PARD3: variants seen among roughly 807,000 people sequenced by gnomAD.
PARD3 encodes partitioning defective 3 homolog.
Under a neutral mutation model 155.4 loss-of-function variants are expected in PARD3, and 75 were observed. The ratio of observed to expected loss-of-function variants is 0.48; its 90% CI spans 0.40 to 0.58. The LOEUF (loss-of-function observed/expected upper bound fraction) is 0.58. Among genes scored for constraint, PARD3 ranks in the 20% least tolerant of loss-of-function variants. PARD3 has a pLI of 0.00. For synonymous variants in PARD3, 576 were observed against 610.5 expected, an observed-to-expected ratio of 0.94 and a Z score of 0.83; for missense variants, 1,642 against 1,721.7, an observed-to-expected ratio of 0.95 and a Z score of 0.82.
intron 20 of PARD3, among the ~76,000 whole-genome samples, chr10:34,306,226 G>C (rs1018728996): frequency 6.6e-6 from 1 of 150,456 alleles, no homozygotes; most frequent in Non-Finnish European, 1.5e-5. Flanking sequence ...GGTTGCAGTG[G>C]GCTGAGATCG....
chr10:34,292,360 C>T (rs912578755), intron 20 of PARD3, among the ~76,000 whole-genome samples: 5 of 152,100 alleles, frequency 3.3e-5, no homozygotes, highest in Admixed American at 1.3e-4. Flanking sequence ...GAAATCGCTA[C>T]CATGAAAGAG....
chr10:34,261,781 A>AAAAGAAAG (rs1158080569), intron 22 of PARD3, among the ~76,000 whole-genome samples: 6,695 of 131,566 alleles, frequency 0.051, 269 homozygotes, highest in East Asian at 0.11. Flanking sequence ...AGAAAGAAAG[A>AAAAGAAAG]AAAGAAAGAA....
intron 22 of PARD3, among the ~76,000 whole-genome samples, chr10:34,268,475 C>T (rs1027011023): frequency 3.8e-5 from 3 of 78,634 alleles, no homozygotes; most frequent in East Asian, 4.7e-4. Flanking sequence ...AAGACACATG[C>T]ACACTATGTT....
chr10:34,783,947 G>A (rs1001939969), intron 1 of PARD3, among the ~76,000 whole-genome samples: 4 of 152,066 alleles, frequency 2.6e-5, no homozygotes, highest in South Asian at 2.1e-4. Context: ...AGTGGCTCAC[G>A]GCTGTAGACC....
intron 1 of PARD3, among the ~76,000 whole-genome samples, chr10:34,719,005 A>G (rs915176408): frequency 6.6e-6 from 1 of 152,170 alleles, no homozygotes; most frequent in Admixed American, 6.5e-5. Flanking sequence ...TGCATGGTGT[A>G]TTGGAACAAC....
At chr10:34,234,367 A>G (rs1458685333) in intron 22 of PARD3, among the ~76,000 whole-genome samples, 1 of 152,212 alleles carries the variant, frequency 6.6e-6, no homozygotes, top group Non-Finnish European at 1.5e-5. Context: ...GACATCCGGA[A>G]TAAAATTTCA....
intron 22 of PARD3, among the ~76,000 whole-genome samples, chr10:34,182,955 T>C (rs1950330005): frequency 6.6e-6 from 1 of 152,182 alleles, no homozygotes; most frequent in African/African-American, 2.4e-5. Flanking sequence ...TCAATTATCC[T>C]AACATCTATG....
At chr10:34,248,570 TAACTTGCCC>T (rs1954103301) in intron 22 of PARD3, among the ~76,000 whole-genome samples, 1 of 104,708 alleles carries the variant, frequency 9.6e-6, no homozygotes, top group Non-Finnish European at 1.9e-5. Flanking sequence ...AGAGGTCAGA[TAACTTGCCC>T]AACATCCAAG....
rs2093934364 is a variant in PARD3 at position 34,685,244 on chromosome 10, A to T, written c.222+11074T>A. Reference sequence around the variant, plus strand: ...AGAAAACACATTTCATAAGTTTTTCATTATACTGTTTTCTGTAAGTAGGAT... The same window carrying T: ...AGAAAACACATTTCATAAGTTTTTCTTTATACTGTTTTCTGTAAGTAGGAT... On this transcript the variant is annotated intron_variant, in intron 2 of 24. Transcript: ENST00000374788. Among the ~76,000 whole-genome samples the T allele has an allele frequency of 2.6e-5, 4 of 152,210 alleles. No homozygotes were observed. In the South Asian group the frequency reaches 8.3e-4, roughly 32 times the overall value.
chr10:34,662,982 A>G (rs1309455337), intron 2 of PARD3, among the ~76,000 whole-genome samples: 1 of 152,204 alleles, frequency 6.6e-6, no homozygotes, highest in Non-Finnish European at 1.5e-5. Context: ...CTAAAAATTA[A>G]AACAACTGAA....
intron 20 of PARD3, among the ~76,000 whole-genome samples, chr10:34,293,416 A>G (rs1227970729): frequency 6.6e-6 from 1 of 152,176 alleles, no homozygotes; most frequent in Non-Finnish European, 1.5e-5. Flanking sequence ...CCAAATGCAA[A>G]TAATAATCAC....
intron 1 of PARD3, among the ~76,000 whole-genome samples, chr10:34,791,844 A>T (rs1456573359): frequency 7.3e-6 from 1 of 137,320 alleles, no homozygotes; most frequent in Admixed American, 7.3e-5. Context: ...TGCCTCGTTT[A>T]AAAAAAAAAA....
At chr10:34,335,017 G>A (rs1836013783) in intron 18 of PARD3, among the ~76,000 whole-genome samples, 2 of 151,828 alleles carry the variant, frequency 1.3e-5, no homozygotes, top group African/African-American at 4.8e-5. Flanking sequence ...TGGTTTTTAT[G>A]ACTGTTTACT....
rs570551163 is a variant in PARD3 at position 34,297,335 on chromosome 10, T to A, written c.3066-13090A>T. 1.8e-4 allele frequency among the ~76,000 whole-genome samples: 27 copies of A among 152,214 alleles called. 1 individual carries two copies. Among genetic ancestry groups the A allele is most frequent in the South Asian group, 2.1e-4 (1 of 4,816 alleles). On this transcript the variant is annotated intron_variant, in intron 20 of 24. Transcript: ENST00000374788. ...ATAAGTAAGTAAATAAATAAGAGCT[T>A]AACTCTAAAATCAAAAAGACTTGGG...
At chr10:34,324,802 G>C (rs769475526) in intron 19 of PARD3, among the ~76,000 whole-genome samples, 1 of 152,110 alleles carries the variant, frequency 6.6e-6, no homozygotes, top group South Asian at 2.1e-4. Context: ...TGTGAGAGAC[G>C]CTAAGCCCGT....
chr10:34,695,629 G>A (rs1359927621), intron 2 of PARD3, among the ~76,000 whole-genome samples: 2 of 152,126 alleles, frequency 1.3e-5, no homozygotes, highest in African/African-American at 4.8e-5. Flanking sequence ...GGTAGTGGGA[G>A]GGAACACTGA....
rs1276255691 is a variant in PARD3 at position 34,399,329 on chromosome 10, C to A, written c.890+1G>T. On this transcript the variant is annotated splice_donor_variant, in intron 7 of 24. Coordinates refer to ENST00000374788, the MANE Select transcript of PARD3 (RefSeq NM_001184785.2). LOFTEE classifies it high-confidence loss of function. ...AATTAAAAACCTCCAAGATACGTTA[C>A]CTGCCGCCTCGAGCACTGAAAGGCA... The A allele has an allele frequency of 1.3e-6, 2 of 1,587,388 alleles. No homozygotes were observed. Among genetic ancestry groups the A allele is most frequent in the Non-Finnish European group, 1.7e-6 (2 of 1,155,702 alleles).
At chr10:34,149,591 T>C (rs1948684103) in intron 22 of PARD3, among the ~76,000 whole-genome samples, 1 of 152,208 alleles carries the variant, frequency 6.6e-6, no homozygotes, top group Admixed American at 6.5e-5. Flanking sequence ...AGTGAAATTA[T>C]ACAGCACAAT....
chr10:34,761,281 T>C (rs1837409081), intron 1 of PARD3, among the ~76,000 whole-genome samples: 1 of 151,762 alleles, frequency 6.6e-6, no homozygotes, highest in African/African-American at 2.4e-5. Context: ...TGTGGTTGCG[T>C]GTACCCATAG....
Sources: allele counts gnomAD v4.1 joint callset (sites outside exome capture counted in the v4.1 genomes callset), GRCh38; gene constraint gnomAD v4.1.1; transcripts MANE v1.5; gene names NCBI Gene and HGNC (gene_info 2026-07-23, HGNC 2026-07-21).